KIRREL3: variants seen among roughly 807,000 people sequenced by gnomAD.
KIRREL3 encodes the protein kin of IRRE-like protein 3.
A neutral mutation model predicts 89.7 loss-of-function variants in KIRREL3; 36 were observed. That is an observed-to-expected ratio of 0.40 (90% CI 0.31 to 0.53). The LOEUF is 0.53. Among genes scored for constraint, KIRREL3 ranks in the 20% least tolerant of loss-of-function variants. The pLI is 0.49. For synonymous variants in KIRREL3, 445 were observed against 441.4 expected, an observed-to-expected ratio of 1.01 and a Z score of -0.10; for missense variants, 864 against 1,056.6, an observed-to-expected ratio of 0.82 and a Z score of 2.53.
Position 126,424,461 on chromosome 11 carries a change from G to T in KIRREL3, c.*119C>A. 2 of 929,206 alleles carry T rather than the reference G, an allele frequency of 2.2e-6. No homozygotes were observed. The highest frequency in any genetic ancestry group is 3.2e-6 in the Non-Finnish European group (2 of 615,904). 57.6% of individuals were successfully genotyped at this position (929,206 alleles called of 1,614,324 possible). ...AAGGAAGGCAGTGGCAGAGGCGCTG[G>T]GAGGCTGTCCTGGAAGTGGCCAATT... On this transcript the variant is annotated 3_prime_UTR_variant, in exon 17 of 17. Coordinates refer to ENST00000525144, the MANE Select transcript of KIRREL3 (RefSeq NM_032531.4).
chr11:126,731,203 C>T (rs1948604433), intron 1 of KIRREL3, among the ~76,000 whole-genome samples: 1 of 152,172 alleles, frequency 6.6e-6, no homozygotes, highest in Non-Finnish European at 1.5e-5. Context: ...ATGATCTGGC[C>T]CTGCCCAACT....
chr11:126,567,440 C>T (rs1199628947), intron 1 of KIRREL3, among the ~76,000 whole-genome samples: 2 of 152,208 alleles, frequency 1.3e-5, no homozygotes, highest in African/African-American at 4.8e-5. Context: ...TGGGACAATA[C>T]ATTTCTGTTG....
intron 1 of KIRREL3, among the ~76,000 whole-genome samples, chr11:126,819,801 C>T (rs188172049): frequency 3.0e-4 from 46 of 152,336 alleles, no homozygotes; most frequent in African/African-American, 1.1e-3. Context: ...TAACAATTAT[C>T]TGTAAGACAG....
chr11:126,861,376 A>G (rs1451832966), intron 1 of KIRREL3, among the ~76,000 whole-genome samples: 1 of 152,166 alleles, frequency 6.6e-6, no homozygotes, highest in Admixed American at 6.5e-5. Flanking sequence ...GGGACCACCC[A>G]GAAGACTCAG....
At position 126,530,156 on chromosome 11, in the gene KIRREL3, G is replaced by A. The variant is rs1002110279; in HGVS notation, c.134-3469C>T. ...GCTGGAGTTCAGTGGGGCAATCTTG[G>A]CTCACTGCAACCTTTGCCTCCCGGT... On this transcript the variant is annotated intron_variant, in intron 2 of 16. Coordinates refer to ENST00000525144, the MANE Select transcript of KIRREL3 (RefSeq NM_032531.4). The surrounding 1 kb of genome is among the most constrained non-coding windows in gnomAD (Gnocchi z 5.8). Among the ~76,000 whole-genome samples, 13 of 152,094 alleles carry A rather than the reference G, an allele frequency of 8.5e-5. No individual in the cohort carries two copies. The highest frequency in any genetic ancestry group is 1.9e-4 in the Non-Finnish European group (13 of 68,022).
At position 126,924,470 on chromosome 11, in the gene KIRREL3, G is replaced by A. The variant is rs1332552422; in HGVS notation, c.55+75985C>T. 6.6e-6 allele frequency among the ~76,000 whole-genome samples: 1 copy of A among 152,174 alleles called. No individual in the cohort carries two copies. Among genetic ancestry groups the A allele is most frequent in the African/African-American group, 2.4e-5 (1 of 41,436 alleles). Reference sequence around the variant, plus strand: ...AAGAGGATTTCCAGGCACACGGGAAGTCTAACACCCATTAATCCTGTGCCA... The same window carrying A: ...AAGAGGATTTCCAGGCACACGGGAAATCTAACACCCATTAATCCTGTGCCA... On this transcript the variant is annotated intron_variant, in intron 1 of 16. Transcript: ENST00000525144. This position sits in a 1 kb window ranked among gnomAD's most constrained non-coding sequence, Gnocchi z 4.7.
rs974286876 is a variant in KIRREL3 at position 126,490,347 on chromosome 11, C to T, written c.434-16881G>A. ...GCTAGGGAGAGGTGAGCAGAGCTTT[C>T]TCCCCATGAAGTATTCTTCAGCCTG... On this transcript the variant is annotated intron_variant, in intron 4 of 16. Coordinates refer to ENST00000525144, the MANE Select transcript of KIRREL3 (RefSeq NM_032531.4). The surrounding 1 kb of genome is among the most constrained non-coding windows in gnomAD (Gnocchi z 4.2). Among the ~76,000 whole-genome samples, 2 of 152,096 alleles carry T rather than the reference C, an allele frequency of 1.3e-5. No individual in the cohort carries two copies. The highest frequency in any genetic ancestry group is 4.8e-5 in the African/African-American group (2 of 41,424).
Position 126,969,084 on chromosome 11 carries a change from G to T in KIRREL3, c.55+31371C>A, listed in dbSNP as rs1176776850. ...GCGGGGGCGTCTGAGGTTCGCGTGT[G>T]AGGGAATCAGGTGCATTGCACAGTC... On this transcript the variant is annotated intron_variant, in intron 1 of 16. Transcript: ENST00000525144. This position sits in a 1 kb window ranked among gnomAD's most constrained non-coding sequence, Gnocchi z 4.9. Among the ~76,000 whole-genome samples the T allele has an allele frequency of 3.3e-5, 5 of 152,190 alleles. No individual in the cohort carries two copies. Among genetic ancestry groups the T allele is most frequent in the Non-Finnish European group, 7.3e-5 (5 of 68,034 alleles).
At position 126,615,075 on chromosome 11, in the gene KIRREL3, C is replaced by G. The variant is rs1390344689; in HGVS notation, c.56-52163G>C. On this transcript the variant is annotated intron_variant, in intron 1 of 16. Coordinates refer to ENST00000525144, the MANE Select transcript of KIRREL3 (RefSeq NM_032531.4). This position sits in a 1 kb window ranked among gnomAD's most constrained non-coding sequence, Gnocchi z 5.4. ...AGGGATTGGAGTGATTTGAGATGCT[C>G]TGGGGGGCTGAACTCAGGTCTGTGG... Among the ~76,000 whole-genome samples the G allele has an allele frequency of 6.6e-6, 1 of 151,990 alleles. No individual in the cohort carries two copies. Among genetic ancestry groups the G allele is most frequent in the East Asian group, 1.9e-4 (1 of 5,162 alleles).
rs1323760565 is a variant in KIRREL3, at chr11:126,761,123, T to C, written c.56-198211A>G. The stretch of plus-strand genomic sequence containing the variant: ...TGGCTCACTTCCTCCTGCCTGCTTC[T>C]TCTGAAGAATCTACTAGGGCTTGGA... On this transcript the variant is annotated intron_variant, in intron 1 of 16. Transcript: ENST00000525144. The surrounding 1 kb of genome is among the most constrained non-coding windows in gnomAD (Gnocchi z 4.4). 6.6e-6 allele frequency among the ~76,000 whole-genome samples: 1 copy of C among 152,228 alleles called. No individual in the cohort carries two copies. Among genetic ancestry groups the C allele is most frequent in the Non-Finnish European group, 1.5e-5 (1 of 68,036 alleles).
In KIRREL3 at chr11:126,641,968, A is replaced by G. The variant is rs1944488477; in HGVS notation, c.56-79056T>C. On this transcript the variant is annotated intron_variant, in intron 1 of 16. Transcript: ENST00000525144. The surrounding 1 kb of genome is among the most constrained non-coding windows in gnomAD (Gnocchi z 5.0). ...GTTAGGGAAGGATCCTCTCTCCATT[A>G]TATGAAAAGTAGGTGTCTAGTGGGG... 6.6e-6 allele frequency among the ~76,000 whole-genome samples: 1 copy of G among 152,140 alleles called. No individual in the cohort carries two copies. Among genetic ancestry groups the G allele is most frequent in the South Asian group, 2.1e-4 (1 of 4,824 alleles).
In KIRREL3 at chr11:126,774,164, C is replaced by CT. The variant is rs5795521; in HGVS notation, c.56-211253dup. On this transcript the variant is annotated intron_variant, in intron 1 of 16. Transcript: ENST00000525144. ...CAACATAAATAAGTAGAGAGTAAAG[C>CT]TTTTTTTTTTTTTTTTTTTAAATAA... Among the ~76,000 whole-genome samples the CT allele has an allele frequency of 7.4e-3, 1,011 of 137,122 alleles. 5 individuals carry two copies. Among genetic ancestry groups the CT allele is most frequent in the African/African-American group, 0.02 (728 of 36,656 alleles). The allele number at this position is 137,122 out of a possible 152,430, so 90.0% of individuals were successfully genotyped here. A position where few individuals can be genotyped will look rare whatever the true frequency, so the allele number is the denominator to read the frequency against.
At chr11:126,630,577 T>G (rs1359337196) in intron 1 of KIRREL3, among the ~76,000 whole-genome samples, 1 of 152,152 alleles carries the variant, frequency 6.6e-6, no homozygotes, top group African/African-American at 2.4e-5. Context: ...TCAGTCAAGC[T>G]CTCAGGCTTT....
At chr11:126,947,232 T>C (rs1296769331) in intron 1 of KIRREL3, among the ~76,000 whole-genome samples, 1 of 152,204 alleles carries the variant, frequency 6.6e-6, no homozygotes, top group African/African-American at 2.4e-5. Flanking sequence ...GTTCTCATTT[T>C]CAATTGCCAC....
At chr11:126,556,743 A>G (rs1275521697) in intron 2 of KIRREL3, among the ~76,000 whole-genome samples, 1 of 152,090 alleles carries the variant, frequency 6.6e-6, no homozygotes, top group Admixed American at 6.5e-5. Flanking sequence ...ATGGGCTGAG[A>G]AAAAGCTTTG....
chr11:126,534,079 T>G (rs1410055124), intron 2 of KIRREL3, among the ~76,000 whole-genome samples: 1 of 152,206 alleles, frequency 6.6e-6, no homozygotes, highest in Non-Finnish European at 1.5e-5. Context: ...AAGACAAGGA[T>G]GTACTCTCTT....
chr11:126,437,106 G>A, intron 11 of KIRREL3, 97 bp from the exon 12 acceptor site: 3 of 1,147,574 alleles, frequency 2.6e-6, no homozygotes, highest in Non-Finnish European at 2.4e-6. Flanking sequence ...TCATGTTCAT[G>A]CTCACTGCCA....
At chr11:126,445,294 G>A (rs112185506) in intron 9 of KIRREL3, among the ~76,000 whole-genome samples, 189 bp from the exon 10 acceptor site, 899 of 152,320 alleles carry the variant, frequency 5.9e-3, no homozygotes, top group African/African-American at 9.5e-3. Context: ...GCTGTACAGA[G>A]GAGACTGTAC....
At chr11:126,770,386 C>T (rs1949981941) in intron 1 of KIRREL3, among the ~76,000 whole-genome samples, 1 of 152,222 alleles carries the variant, frequency 6.6e-6, no homozygotes, top group African/African-American at 2.4e-5. Flanking sequence ...CCTGTCACTA[C>T]AGTCGCAGCG....
Sources: allele counts gnomAD v4.1 joint callset (sites outside exome capture counted in the v4.1 genomes callset), GRCh38; gene constraint gnomAD v4.1.1; non-coding constraint Gnocchi (gnomAD v3.1); transcripts MANE v1.5; gene names NCBI Gene and HGNC (gene_info 2026-07-23, HGNC 2026-07-21).